The following TEK variants were observed in gnomAD, a reference collection of about 807,000 sequenced individuals.
TEK encodes TEK receptor tyrosine kinase.
TEK carries 43 observed loss-of-function variants against 131.8 expected under a neutral mutation model. The ratio of observed to expected loss-of-function variants is 0.33; its 90% CI spans 0.26 to 0.42. TEK has a LOEUF of 0.42. Among genes scored for constraint, TEK ranks in the 10% least tolerant of loss-of-function variants. The pLI is 1.00. For synonymous variants in TEK, 580 were observed against 491.6 expected (o/e 1.18, Z -2.38); for missense variants, 1,162 against 1,384.4 (o/e 0.84, Z 2.55).
chr9:27,167,921 A>C (rs1167003855), intron 2 of TEK, among the ~76,000 whole-genome samples: 1 of 151,924 alleles, frequency 6.6e-6, no homozygotes, highest in African/African-American at 2.4e-5. Context: ...ATTCATAGTT[A>C]ATATAGTTTA....
chr9:27,180,121 A>G, intron 6 of TEK, 119 bp from the exon 7 acceptor site: 1 of 1,436,356 alleles, frequency 7.0e-7, no homozygotes, highest in Admixed American at 1.8e-5. Flanking sequence ...ATTACCCCCT[A>G]CCTTACACAA....
intron 20 of TEK, among the ~76,000 whole-genome samples, 145 bp from the exon 21 acceptor site, chr9:27,219,888 GCTTTGATGTGCAGTGA>G (rs1298239099): frequency 6.6e-6 from 1 of 152,150 alleles, no homozygotes; most frequent in Non-Finnish European, 1.5e-5. Context: ...TGTAAGCCCA[GCTTTGATGTGCAGTGA>G]GTTTGCCAAG....
At chr9:27,203,245 A>G in intron 13 of TEK, 126 bp downstream of exon 13, 2 of 1,008,828 alleles carry the variant, frequency 2.0e-6, no homozygotes, top group South Asian at 1.4e-5. Flanking sequence ...AGGCATTTAC[A>G]GAGAGGTCCT....
In TEK at chr9:27,229,345, G is replaced by A. The variant is rs1826472239; in HGVS notation, c.*113G>A. On this transcript the variant is annotated 3_prime_UTR_variant, in exon 23 of 23. Transcript: ENST00000380036. ...ATGTGATATATAAGTGTACATATGT[G>A]CTGTACACCTGGGACCTTCACCACT... 1 of 1,019,644 alleles carries A rather than the reference G, an allele frequency of 9.8e-7. No homozygotes were observed. The highest frequency in any genetic ancestry group is 1.5e-6 in the Non-Finnish European group (1 of 646,836). The allele number at this position is 1,019,644 out of a possible 1,614,324, so 63.2% of individuals were successfully genotyped here. A position where few individuals can be genotyped will look rare whatever the true frequency, so the allele number is the denominator to read the frequency against.
intron 21 of TEK, 31 bp downstream of exon 21, chr9:27,220,176 G>A (rs533172331): frequency 6.2e-7 from 1 of 1,608,210 alleles, no homozygotes; most frequent in East Asian, 2.2e-5. Context: ...GGGCTATTTT[G>A]TCTTACCTTC....
At chr9:27,217,837 A>G (rs1221223028) in intron 19 of TEK, 79 bp downstream of exon 19, 41 of 1,297,558 alleles carry the variant, frequency 3.2e-5, no homozygotes, top group Non-Finnish European at 4.5e-5. Context: ...TTAAAAAGAT[A>G]CAGGAATGTC....
At chr9:27,179,315 A>C (rs528613010) in intron 6 of TEK, among the ~76,000 whole-genome samples, 1 of 152,024 alleles carries the variant, frequency 6.6e-6, no homozygotes. Context: ...AATAGTTTCT[A>C]TTTCCCTGCT....
rs763866809 is a variant in TEK at position 27,185,607 on chromosome 9, G to A, written c.1305G>A (p.Lys435=). 5 of 1,613,744 alleles carry A rather than the reference G, an allele frequency of 3.1e-6. No individual in the cohort carries two copies. The highest frequency in any genetic ancestry group is 1.1e-5 in the South Asian group (1 of 91,086). The change falls in exon 9 of 23, where the codon AAG becomes AAA. Residue 435 remains lysine, a synonymous_variant. Transcript: ENST00000380036. ...SVNTVAGMVE[K]PFNISVKVLP... is the part of the protein sequence containing the mutation. ...ACACAGTGGCTGGGATGGTGGAAAA[G>A]CCCTTCAACATTTCTGTTAAAGGTA...
chr9:27,136,085 A>ATTTTTTTTTTTT (rs36023271), intron 1 of TEK, among the ~76,000 whole-genome samples: 4 of 137,020 alleles, frequency 2.9e-5, no homozygotes, highest in Admixed American at 7.6e-5. Context: ...CAGGGCAGTT[A>ATTTTTTTTTTTT]TTTTTTTTTT....
At chr9:27,158,737 G>T (rs1320648861) in intron 2 of TEK, among the ~76,000 whole-genome samples, 2 of 149,706 alleles carry the variant, frequency 1.3e-5, no homozygotes, top group Non-Finnish European at 3.0e-5. Flanking sequence ...TTGGCTCACT[G>T]CAACCTCCGC....
At chr9:27,153,664 G>A (rs190339736) in intron 1 of TEK, among the ~76,000 whole-genome samples, 1 of 152,184 alleles carries the variant, frequency 6.6e-6, no homozygotes, top group Non-Finnish European at 1.5e-5. Flanking sequence ...ACATGATTTG[G>A]AGAGGATAGC....
chr9:27,192,134 C>T (rs35417610), intron 10 of TEK, among the ~76,000 whole-genome samples: 11,945 of 152,210 alleles, frequency 0.078, 609 homozygotes, highest in South Asian at 0.11. Flanking sequence ...AGTGTACATA[C>T]TTGAAAACAG....
At chr9:27,172,864 G>T (rs1217561559) in intron 5 of TEK, 117 bp downstream of exon 5, 1 of 1,375,080 alleles carries the variant, frequency 7.3e-7, no homozygotes. Context: ...TGTTAGGTCA[G>T]ATGGTACCTG....
chr9:27,212,889 C>A lies in TEK; in HGVS notation c.2869C>A (p.Gln957Lys). 6.2e-7 allele frequency: 1 copy of A among 1,613,912 alleles called. No individual in the cohort carries two copies. The highest frequency in any genetic ancestry group is 8.5e-7 in the Non-Finnish European group (1 of 1,179,982). ...DVARGMDYLS[Q>K]KQFIHRDLAA... ...GGCCCGGGGCATGGACTACTTGAGC[C>A]AAAAACAGGTTTGTCCGGAGGACTT... Residue 957 changes from glutamine to lysine, a missense_variant, in exon 17 of 23, where the codon CAA becomes AAA. By Grantham distance (53) the Gln-to-Lys change is moderately conservative. Transcript: ENST00000380036.
At chr9:27,217,098 G>T (rs1364693433) in intron 18 of TEK, among the ~76,000 whole-genome samples, 1 of 152,192 alleles carries the variant, frequency 6.6e-6, no homozygotes, top group African/African-American at 2.4e-5. Context: ...GGATCAGTAT[G>T]TCTCCAAACC....
At chr9:27,187,147 A>C (rs1824630015) in intron 9 of TEK, among the ~76,000 whole-genome samples, 1 of 152,184 alleles carries the variant, frequency 6.6e-6, no homozygotes, top group Non-Finnish European at 1.5e-5. Flanking sequence ...CAGAAGAGTC[A>C]CTGGGTCTAG....
chr9:27,169,646 C>A lies in TEK; in HGVS notation c.628+17C>A. On this transcript the variant is annotated intron_variant, in intron 4 of 22. Transcript: ENST00000380036. ...TAGTCCGGAGTAAGTGATGGAGAGG[C>A]CACCATTTGTGATGGTGTAGTTGTT... The A allele has an allele frequency of 6.2e-7, 1 of 1,613,852 alleles. No individual in the cohort carries two copies. Among genetic ancestry groups the A allele is most frequent in the Non-Finnish European group, 8.5e-7 (1 of 1,179,902 alleles).
At chr9:27,208,347 GT>G (rs34815507) in intron 15 of TEK, among the ~76,000 whole-genome samples, 94 of 147,084 alleles carry the variant, frequency 6.4e-4, no homozygotes, top group Middle Eastern at 3.4e-3. Context: ...CCCAATGTGT[GT>G]TTTTTTTTTT....
intron 7 of TEK, among the ~76,000 whole-genome samples, chr9:27,181,269 A>G (rs1028869849): frequency 3.3e-5 from 5 of 152,144 alleles, no homozygotes; most frequent in African/African-American, 1.2e-4. Context: ...CCTTCATGAC[A>G]TACCTTTTTC....
Sources: gnomAD v4.1 joint callset for allele counts (sites outside exome capture counted in the v4.1 genomes callset) on GRCh38, gnomAD v4.1.1 for gene constraint, MANE v1.5 for transcripts, NCBI Gene and HGNC (gene_info 2026-07-23, HGNC 2026-07-21) for gene names.